CD300LD: variants seen among roughly 807,000 people sequenced by gnomAD.
CD300LD encodes CD300 molecule like family member d, also known as CMRF35-like molecule 5.
CD300LD carries 18 observed loss-of-function variants against 20.3 expected under a neutral mutation model. That is an observed-to-expected ratio of 0.89 (90% CI 0.61 to 1.32). The LOEUF is 1.32. Ranked by LOEUF, CD300LD falls within the 40% of genes most tolerant of loss-of-function variation. CD300LD has a pLI of 0.00. For missense variants in CD300LD, 195 were observed against 226.6 expected, an observed-to-expected ratio of 0.86 and a Z score of 0.90; for synonymous variants, 104 against 90.1, an observed-to-expected ratio of 1.15 and a Z score of -0.87.
At chr17:74,591,195 CTT>C (rs1429205244) in intron 1 of CD300LD, among the ~76,000 whole-genome samples, 1 of 150,660 alleles carries the variant, frequency 6.6e-6, no homozygotes, top group Non-Finnish European at 1.5e-5. Context: ...GGGAGGATCA[CTT>C]GAGCCCAGGA....
chr17:74,592,187 A>T lies in CD300LD; in HGVS notation c.16T>A (p.Ser6Thr). The T allele has an allele frequency of 6.2e-7, 1 of 1,613,876 alleles. No homozygotes were observed. Among genetic ancestry groups the T allele is most frequent in the Non-Finnish European group, 8.5e-7 (1 of 1,179,950 alleles). Residue 6 changes from serine (S) to threonine (T), a missense_variant, in exon 1 of 4, where the codon TCT (serine) becomes ACT (threonine). Physicochemically the swap from Ser to Thr is moderately conservative, Grantham distance 58. Coordinates refer to ENST00000375352, the MANE Select transcript of CD300LD (RefSeq NM_001115152.2). MWLSP[S>T]LLLLILPGYS... ...CCTGGGAGGATGAGAAGCAGCAGAG[A>T]TGGGGACAGCCACATGGTCCTGTCT...
chr17:74,591,837 A>AT, intron 1 of CD300LD: 1 of 219,486 alleles, frequency 4.6e-6, no homozygotes, highest in East Asian at 1.0e-4. Flanking sequence ...AAAAAAAAAA[A>AT]GTTCTTCAAG....
At chr17:74,583,749 C>CT (rs34787485) in intron 2 of CD300LD, among the ~76,000 whole-genome samples, 1,818 of 98,030 alleles carry the variant, frequency 0.019, 76 homozygotes, top group East Asian at 0.079. Flanking sequence ...GAGTATTTCA[C>CT]TTTTTTTTTT....
intron 1 of CD300LD, among the ~76,000 whole-genome samples, chr17:74,591,147 C>T (rs2030302409): frequency 6.6e-6 from 1 of 151,578 alleles, no homozygotes; most frequent in African/African-American, 2.4e-5. Context: ...GGCATGGTGG[C>T]TCACACCTAT....
chr17:74,580,140 A>T (rs772660766), intron 3 of CD300LD, 27 bp from the exon 4 acceptor site: 5 of 1,487,130 alleles, frequency 3.4e-6, no homozygotes, highest in Middle Eastern at 1.7e-4. Flanking sequence ...ACAGGAAATG[A>T]GCTGCCTCCT....
chr17:74,583,184 A>T (rs1386007177), intron 2 of CD300LD, among the ~76,000 whole-genome samples: 1 of 152,096 alleles, frequency 6.6e-6, no homozygotes, highest in East Asian at 1.9e-4. Context: ...TGAACTGTGG[A>T]CCCCTAAAAA....
chr17:74,582,488 T>C (rs2030058424), intron 2 of CD300LD, among the ~76,000 whole-genome samples, 177 bp from the exon 3 acceptor site: 2 of 152,252 alleles, frequency 1.3e-5, no homozygotes, highest in African/African-American at 4.8e-5. Flanking sequence ...ACTGAATTAT[T>C]ACCATGTGAG....
intron 1 of CD300LD, chr17:74,590,444 T>TATTATC (rs918190326): frequency 6.6e-6 from 1 of 151,258 alleles, no homozygotes; most frequent in African/African-American, 2.4e-5. Flanking sequence ...TTATGTTTGT[T>TATTATC]ATTATTATTA....
At position 74,582,203 on chromosome 17, in the gene CD300LD, C is replaced by T; in HGVS notation, c.473+15G>A. On this transcript the variant is annotated intron_variant, in intron 3 of 3. Transcript: ENST00000375352. ...CCAGGCCTGTGCGAAAGTGGTGGGACCTGGCTCCACCTACCTGGTGAGGGG... is the reference window on the plus strand; with the variant it reads ...CCAGGCCTGTGCGAAAGTGGTGGGATCTGGCTCCACCTACCTGGTGAGGGG... The T allele has an allele frequency of 6.2e-7, 1 of 1,612,512 alleles. No individual in the cohort carries two copies. Among genetic ancestry groups the T allele is most frequent in the Non-Finnish European group, 8.5e-7 (1 of 1,179,234 alleles).
intron 1 of CD300LD, among the ~76,000 whole-genome samples, chr17:74,590,121 G>C (rs2143298209): frequency 6.6e-6 from 1 of 152,290 alleles, no homozygotes; most frequent in East Asian, 1.9e-4. Context: ...TCATGGGGCG[G>C]TTTCCCCCAC....
chr17:74,591,861 A>T, intron 1 of CD300LD: 3 of 332,066 alleles, frequency 9.0e-6, no homozygotes, highest in Non-Finnish European at 1.1e-5. Flanking sequence ...GGACTCACTC[A>T]TTAGTTCCTT....
chr17:74,585,924 G>A (rs532960864), intron 2 of CD300LD, among the ~76,000 whole-genome samples: 98 of 152,276 alleles, frequency 6.4e-4, no homozygotes, highest in Admixed American at 3.0e-3. Flanking sequence ...AACATCACAT[G>A]GCACTCCCAG....
intron 1 of CD300LD, among the ~76,000 whole-genome samples, chr17:74,591,807 G>A (rs2030324893): frequency 1.0e-5 from 1 of 95,618 alleles, no homozygotes; most frequent in Admixed American, 1.1e-4. Flanking sequence ...GACAGAGCGA[G>A]ACACCAGCTC....
Position 74,580,095 on chromosome 17 carries a change from G to A in CD300LD, c.492C>T (p.Thr164=). The A allele has an allele frequency of 1.2e-6, 2 of 1,612,082 alleles. No homozygotes were observed. The highest frequency in any genetic ancestry group is 1.7e-6 in the Non-Finnish European group (2 of 1,178,978). ...SPLTRSPLKS[T]HFLFLFLLEL... ...CCAGGAGGAACAGGAACAGGAAGTG[G>A]GTGCTCTTGAGCGGGGACCTGTGGG... Residue 164 remains threonine (T), a synonymous_variant, in exon 4 of 4, where the codon ACC becomes ACT. Transcript: ENST00000375352.
At chr17:74,582,732 G>T (rs1352967525) in intron 2 of CD300LD, among the ~76,000 whole-genome samples, 1 of 151,892 alleles carries the variant, frequency 6.6e-6, no homozygotes, top group African/African-American at 2.4e-5. Flanking sequence ...TCTGCAGCCA[G>T]GCCCAGCGCC....
intron 1 of CD300LD, chr17:74,591,919 G>GT (rs2030329014): frequency 1.8e-6 from 2 of 1,096,702 alleles, no homozygotes; most frequent in East Asian, 5.4e-5. Flanking sequence ...AACAGTCAGG[G>GT]TTGAGAACCA....
At chr17:74,591,966 G>A (rs1255861269) in intron 1 of CD300LD, 197 bp downstream of exon 1, 5 of 1,469,900 alleles carry the variant, frequency 3.4e-6, no homozygotes, top group Admixed American at 2.1e-5. Flanking sequence ...TTTGTTTTGT[G>A]TGTGTTTGTT....
chr17:74,580,491 G>A (rs990871471), intron 3 of CD300LD, among the ~76,000 whole-genome samples: 9 of 152,210 alleles, frequency 5.9e-5, no homozygotes, highest in East Asian at 1.9e-4. Context: ...CTGTGCAAAC[G>A]CTACCCACCT....
At position 74,582,328 on chromosome 17, in the gene CD300LD, G is replaced by T; in HGVS notation, c.380-17C>A. ...TTTGTGTGCCTAAACATACAAAGCA[G>T]AACACGGTTCACCCCTTCCATGGAT... is the stretch of plus-strand genomic sequence containing the variant. On this transcript the variant is annotated splice_polypyrimidine_tract_variant and intron_variant, in intron 2 of 3. Coordinates refer to ENST00000375352, the MANE Select transcript of CD300LD (RefSeq NM_001115152.2). 6.2e-7 allele frequency: 1 copy of T among 1,608,256 alleles called. No homozygotes were observed. Among genetic ancestry groups the T allele is most frequent in the South Asian group, 1.1e-5 (1 of 90,530 alleles).
Sources: allele counts gnomAD v4.1 joint callset (sites outside exome capture counted in the v4.1 genomes callset), GRCh38; gene constraint gnomAD v4.1.1; transcripts MANE v1.5; gene names NCBI Gene and HGNC (gene_info 2026-07-23, HGNC 2026-07-21).